XYLT2: variants seen among roughly 807,000 people sequenced by gnomAD.
XYLT2 encodes the protein xylosyltransferase 2, also known as UDP-D-xylose:proteoglycan core protein beta-D-xylosyltransferase.
Under a neutral mutation model 82.6 loss-of-function variants are expected in XYLT2, and 37 were observed. That is an observed-to-expected ratio of 0.45 (90% CI 0.34 to 0.59). The LOEUF (loss-of-function observed/expected upper bound fraction) is 0.59, where lower values mean the gene tolerates loss of function less well. Among genes scored for constraint, XYLT2 ranks in the 20% least tolerant of loss-of-function variants. The probability of loss-of-function intolerance (pLI) is 0.01; values close to 1 mark genes in which losing one functional copy is unlikely to be tolerated. For missense variants in XYLT2, 934 were observed against 1,181.3 expected (o/e 0.79, Z 3.07); for synonymous variants, 474 against 499.0 (o/e 0.95, Z 0.67).
intron 1 of XYLT2, among the ~76,000 whole-genome samples, chr17:50,351,813 G>T (rs1912282363): frequency 6.6e-6 from 1 of 152,144 alleles, no homozygotes; most frequent in Admixed American, 6.5e-5. Flanking sequence ...CAAGGAGGCT[G>T]GTAGTTAAAT....
At chr17:50,358,577 G>T (rs1339067747) in intron 10 of XYLT2, 37 bp downstream of exon 10, 2 of 1,559,948 alleles carry the variant, frequency 1.3e-6, no homozygotes, top group Non-Finnish European at 8.7e-7. Flanking sequence ...CCAGAAGCCA[G>T]ACAGAATAGG....
Position 50,354,887 on chromosome 17 carries a change from C to A in XYLT2, c.838C>A (p.Leu280Met). ...SDYLHREVVE[L>M]AQGYDNVRVT... ...CTACCTGCACCGGGAGGTGGTGGAGCTGGCCCAGGGCTATGATAACGTGCG... is the reference window on the plus strand; with the variant it reads ...CTACCTGCACCGGGAGGTGGTGGAGATGGCCCAGGGCTATGATAACGTGCG... The change falls in exon 4 of 11, where the codon CTG (leucine) becomes ATG (methionine). Residue 280 changes from leucine to methionine, a missense_variant. Physicochemically the swap from Leu to Met is conservative, Grantham distance 15. Transcript: ENST00000017003. 1 of 1,612,840 alleles carries A rather than the reference C, an allele frequency of 6.2e-7. No homozygotes were observed. Among genetic ancestry groups the A allele is most frequent in the Admixed American group, 1.7e-5 (1 of 59,814 alleles).
chr17:50,355,098 C>G, intron 4 of XYLT2, 42 bp downstream of exon 4: 1 of 1,511,854 alleles, frequency 6.6e-7, no homozygotes, highest in Non-Finnish European at 8.8e-7. Flanking sequence ...GGGAGGGGAC[C>G]CCTGTCTGGG....
intron 1 of XYLT2, among the ~76,000 whole-genome samples, chr17:50,350,777 G>A (rs1481015390): frequency 1.3e-5 from 2 of 150,392 alleles, no homozygotes; most frequent in Non-Finnish European, 2.9e-5. Flanking sequence ...GGGAGGGCTG[G>A]CACTGTAAAT....
In XYLT2 at chr17:50,346,712, G is replaced by A. The variant is rs1912059523; in HGVS notation, c.135+437G>A. On this transcript the variant is annotated intron_variant, in intron 1 of 10. Coordinates refer to ENST00000017003, the MANE Select transcript of XYLT2 (RefSeq NM_022167.4). The surrounding 1 kb of genome is among the most constrained non-coding windows in gnomAD (Gnocchi z 5.1). ...CGGAGGAGTAGGGCCAAGGGACTCA[G>A]GGCGTCCTTCCCCAGCTGAGCCCGA... 2 of 985,414 alleles carry A rather than the reference G, an allele frequency of 2.0e-6. No individual in the cohort carries two copies. Among genetic ancestry groups the A allele is most frequent in the Non-Finnish European group, 2.4e-6 (2 of 829,926 alleles). The allele number at this position is 985,414 out of a possible 1,614,324, so 61.0% of individuals were successfully genotyped here.
At chr17:50,354,798 TG>T in intron 3 of XYLT2, 55 bp from the exon 4 acceptor site, 1 of 1,601,202 alleles carries the variant, frequency 6.2e-7, no homozygotes, top group South Asian at 1.1e-5. Flanking sequence ...TGTCCTGGGG[TG>T]GGATTGGGGA....
At position 50,357,066 on chromosome 17, in the gene XYLT2, C is replaced by T. The variant is rs1912572024; in HGVS notation, c.1755C>T (p.Pro585=). 1.2e-6 allele frequency: 2 copies of T among 1,604,302 alleles called. No homozygotes were observed. The highest frequency in any genetic ancestry group is 1.7e-6 in the Non-Finnish European group (2 of 1,174,638). The part of the protein sequence containing the change: ...PMGTPLCRFE[P]RGLPSSVHLY... The stretch of plus-strand genomic sequence containing the variant: ...CCTGCTGGCACCTTAGGTTTGAGCC[C>T]AGGGGCTTGCCGTCCAGCGTGCACC... Residue 585 remains proline (P), a synonymous_variant, in exon 9 of 11, where the codon CCC becomes CCT. Transcript: ENST00000017003.
intron 1 of XYLT2, among the ~76,000 whole-genome samples, chr17:50,349,574 CTA>C (rs1431614160): frequency 1.3e-5 from 2 of 152,192 alleles, no homozygotes; most frequent in Admixed American, 1.3e-4. Context: ...CATAGCAAGA[CTA>C]TCTCTATTAA....
intron 3 of XYLT2, 97 bp from the exon 4 acceptor site, chr17:50,354,757 T>A: frequency 6.4e-7 from 1 of 1,570,928 alleles, no homozygotes; most frequent in African/African-American, 1.3e-5. Flanking sequence ...AGCCCTGCCC[T>A]GTGCTTTCCT....
chr17:50,354,803 T>C (rs767080751), intron 3 of XYLT2, 51 bp from the exon 4 acceptor site: 6 of 1,603,724 alleles, frequency 3.7e-6, no homozygotes, highest in East Asian at 2.2e-5. Flanking sequence ...TGGGGTGGGA[T>C]TGGGGATGGC....
At chr17:50,347,050 C>A in intron 1 of XYLT2, 1 of 518,976 alleles carries the variant, frequency 1.9e-6, no homozygotes, top group Non-Finnish European at 2.5e-6. Context: ...CGTCTCAGCC[C>A]CCAAGTCCCT....
At chr17:50,351,734 G>A (rs1912278212) in intron 1 of XYLT2, among the ~76,000 whole-genome samples, 1 of 152,218 alleles carries the variant, frequency 6.6e-6, no homozygotes, top group South Asian at 2.1e-4. Flanking sequence ...AGCAGGTTGG[G>A]GTCGAAGAGC....
chr17:50,356,426 G>C (rs979638946), intron 7 of XYLT2, 85 bp from the exon 8 acceptor site: 3 of 1,571,834 alleles, frequency 1.9e-6, no homozygotes, highest in Admixed American at 1.7e-5. Flanking sequence ...AGGAGGCTGA[G>C]CTCTAGGCAG....
Position 50,353,871 on chromosome 17 carries a change from C to A in XYLT2, c.377C>A (p.Ala126Glu), listed in dbSNP as rs201924207. 1.9e-6 allele frequency: 3 copies of A among 1,608,848 alleles called. No individual in the cohort carries two copies. The highest frequency in any genetic ancestry group is 2.5e-6 in the Non-Finnish European group (3 of 1,179,234). ...CCAGGCCGCCAGAACCTGAGTGGGG[C>A]AGCAGCTGGGGAGGCGCTGGTAGGG... ...EAPGRQNLSGAAAGEALVGAA... is the reference protein window; with the variant it reads ...EAPGRQNLSGEAAGEALVGAA... Residue 126 changes from alanine to glutamate, a missense_variant, in exon 2 of 11, where the codon GCA becomes GAA. Transcript: ENST00000017003.
chr17:50,359,904 C>T (rs899748629), intron 10 of XYLT2, 65 bp from the exon 11 acceptor site: 1 of 1,416,078 alleles, frequency 7.1e-7, no homozygotes, highest in African/African-American at 1.4e-5. Context: ...AGACCCAACT[C>T]CTGGGTCTGG....
chr17:50,349,589 TAAATA>T (rs558963174), intron 1 of XYLT2, among the ~76,000 whole-genome samples: 200 of 152,112 alleles, frequency 1.3e-3, no homozygotes, highest in African/African-American at 4.5e-3. Flanking sequence ...TCTATTAAAA[TAAATA>T]AAATAAAAAG....
intron 10 of XYLT2, chr17:50,359,438 G>A (rs533991995): frequency 6.8e-4 from 105 of 153,426 alleles, no homozygotes; most frequent in African/African-American, 2.3e-3. Flanking sequence ...AGGAGGAGGG[G>A]GTGCTGGTGG....
At position 50,360,349 on chromosome 17, in the gene XYLT2, A is replaced by AG; in HGVS notation, c.*62dup. 6.8e-7 allele frequency: 1 copy of AG among 1,475,064 alleles called. No homozygotes were observed. Among genetic ancestry groups the AG allele is most frequent in the Non-Finnish European group, 9.0e-7 (1 of 1,112,076 alleles). 91.4% of individuals were successfully genotyped at this position (1,475,064 alleles called of 1,614,324 possible). The stretch of plus-strand genomic sequence containing the variant: ...GGAAATTGCACCTTACAGACAGTGG[A>AG]GGGGTGTCCCCTCCCACAGGCAAGA... On this transcript the variant is annotated 3_prime_UTR_variant, in exon 11 of 11. Coordinates refer to ENST00000017003, the MANE Select transcript of XYLT2 (RefSeq NM_022167.4).
intron 10 of XYLT2, chr17:50,359,672 A>G (rs755228936): frequency 2.1e-5 from 8 of 385,692 alleles, no homozygotes; most frequent in East Asian, 4.7e-5. Flanking sequence ...GGAGCCACCA[A>G]TGATGGTCAA....
Sources: allele counts gnomAD v4.1 joint callset (sites outside exome capture counted in the v4.1 genomes callset), GRCh38; gene constraint gnomAD v4.1.1; non-coding constraint Gnocchi (gnomAD v3.1); transcripts MANE v1.5; gene names NCBI Gene and HGNC (gene_info 2026-07-23, HGNC 2026-07-21).